The following SGCZ variants were observed in gnomAD, a reference collection of about 807,000 sequenced individuals.
SGCZ encodes sarcoglycan zeta.
A neutral mutation model predicts 41.3 loss-of-function variants in SGCZ; 40 were observed. The ratio of observed to expected loss-of-function variants is 0.97; its 90% CI spans 0.75 to 1.26. SGCZ has a LOEUF of 1.26. Among genes scored for constraint, SGCZ ranks in the 50% most tolerant of loss-of-function variants. The pLI, the probability that SGCZ is intolerant of heterozygous loss-of-function variation, is 0.00. For missense variants in SGCZ, 552 were observed against 369.8 expected (o/e 1.49, Z -4.04); for synonymous variants, 206 against 137.5 (o/e 1.50, Z -3.49).
chr8:14,791,628 G>A (rs1422459559), intron 1 of SGCZ, among the ~76,000 whole-genome samples: 1 of 152,100 alleles, frequency 6.6e-6, no homozygotes, highest in Non-Finnish European at 1.5e-5. Flanking sequence ...CAAGCGTACA[G>A]CTCAAGGCAA....
At chr8:15,043,879 A>C (rs1323664413) in intron 1 of SGCZ, among the ~76,000 whole-genome samples, 1 of 152,054 alleles carries the variant, frequency 6.6e-6, no homozygotes, top group Non-Finnish European at 1.5e-5. Context: ...CTTCAGTTGA[A>C]AACCAAACAT....
intron 2 of SGCZ, among the ~76,000 whole-genome samples, chr8:14,443,597 T>A (rs576806580): frequency 6.6e-6 from 1 of 152,192 alleles, no homozygotes; most frequent in East Asian, 1.9e-4. Context: ...CTGGGAAAAC[T>A]GGCTAGCCAT....
At chr8:14,208,672 A>T (rs1805697468) in intron 4 of SGCZ, among the ~76,000 whole-genome samples, 1 of 152,048 alleles carries the variant, frequency 6.6e-6, no homozygotes, top group Non-Finnish European at 1.5e-5. Context: ...AACTAGAAAC[A>T]CTTAATTATA....
intron 1 of SGCZ, among the ~76,000 whole-genome samples, chr8:15,117,631 T>C (rs1807322588): frequency 6.6e-6 from 1 of 152,160 alleles, no homozygotes. Context: ...ATGGTGGTTG[T>C]GAGGATCTTG....
intron 1 of SGCZ, among the ~76,000 whole-genome samples, chr8:15,223,404 C>G (rs1023118928): frequency 6.6e-6 from 1 of 152,158 alleles, no homozygotes; most frequent in Non-Finnish European, 1.5e-5. Flanking sequence ...CACACAAAGA[C>G]GACTCCTTGT....
intron 1 of SGCZ, among the ~76,000 whole-genome samples, chr8:15,027,483 T>C (rs1044159041): frequency 2.0e-5 from 3 of 152,116 alleles, no homozygotes; most frequent in Non-Finnish European, 4.4e-5. Flanking sequence ...ACAGGTTATA[T>C]TGAGCTGAAT....
intron 4 of SGCZ, among the ~76,000 whole-genome samples, chr8:14,235,442 C>G (rs549131490): frequency 1.2e-4 from 19 of 152,176 alleles, no homozygotes; most frequent in African/African-American, 3.9e-4. Flanking sequence ...ACATTTTTTT[C>G]TTTCTCCGTC....
chr8:14,420,162 T>C (rs1239378065), intron 2 of SGCZ, among the ~76,000 whole-genome samples: 1 of 152,078 alleles, frequency 6.6e-6, no homozygotes, highest in Non-Finnish European at 1.5e-5. Flanking sequence ...AATAATTCTA[T>C]CTGTTTTTTA....
intron 3 of SGCZ, among the ~76,000 whole-genome samples, chr8:14,253,659 C>G (rs1799364084): frequency 6.6e-6 from 1 of 152,006 alleles, no homozygotes; most frequent in Non-Finnish European, 1.5e-5. Flanking sequence ...TTTGCAGACT[C>G]TGTGTTCTGA....
chr8:15,052,102 G>C (rs115373246), intron 1 of SGCZ, among the ~76,000 whole-genome samples: 1,735 of 152,240 alleles, frequency 0.011, 27 homozygotes, highest in African/African-American at 0.04. Context: ...TTTGAGTTGG[G>C]TTCTTTATTC....
chr8:14,207,597 T>C (rs779917453), intron 4 of SGCZ, among the ~76,000 whole-genome samples: 8 of 152,210 alleles, frequency 5.3e-5, no homozygotes, highest in Non-Finnish European at 1.2e-4. Context: ...TATGTTAAGT[T>C]ATAATGAACA....
chr8:14,755,289 T>C (rs901754280), intron 1 of SGCZ, among the ~76,000 whole-genome samples: 2 of 152,178 alleles, frequency 1.3e-5, no homozygotes, highest in African/African-American at 4.8e-5. Context: ...TGTTGATCTC[T>C]ACTGAGTATT....
At chr8:14,211,358 C>A (rs1257867266) in intron 4 of SGCZ, among the ~76,000 whole-genome samples, 12 of 152,128 alleles carry the variant, frequency 7.9e-5, no homozygotes, top group Admixed American at 6.5e-5. Flanking sequence ...AGCACCCAGG[C>A]GCTACCAGTT....
chr8:14,977,900 C>T (rs1563406155), intron 1 of SGCZ, among the ~76,000 whole-genome samples: 1 of 150,012 alleles, frequency 6.7e-6, no homozygotes. Flanking sequence ...CACACACACA[C>T]ACACACACAC....
At chr8:14,940,530 G>T (rs1007306989) in intron 1 of SGCZ, among the ~76,000 whole-genome samples, 2 of 152,044 alleles carry the variant, frequency 1.3e-5, no homozygotes, top group African/African-American at 2.4e-5. Context: ...ATATAAATTT[G>T]CAATTCCAAG....
chr8:14,164,613 T>G lies in SGCZ; in HGVS notation c.514A>C (p.Ile172Leu). The change falls in exon 5 of 8, where the codon ATT becomes CTT. Residue 172 changes from isoleucine (I) to leucine (L), a missense_variant. Transcript: ENST00000382080. The part of the protein sequence containing the change: ...RVLFSADEDE[I>L]TIGAEKLKVT... ...TTCAGCTTTTCAGCCCCAATGGTAATCTCATCTTCATCTGCAGAAAACAGC... is the reference window on the plus strand; with the variant it reads ...TTCAGCTTTTCAGCCCCAATGGTAAGCTCATCTTCATCTGCAGAAAACAGC... 6.2e-7 allele frequency: 1 copy of G among 1,613,514 alleles called. No homozygotes were observed. Among genetic ancestry groups the G allele is most frequent in the South Asian group, 1.1e-5 (1 of 91,066 alleles).
intron 1 of SGCZ, among the ~76,000 whole-genome samples, chr8:15,075,563 A>G (rs535071802): frequency 1.3e-5 from 2 of 152,302 alleles, no homozygotes; most frequent in African/African-American, 2.4e-5. Context: ...GACTTTGAGT[A>G]ATGTGACCAA....
In SGCZ at chr8:14,786,849, AAAC is replaced by A. The variant is rs754253411; in HGVS notation, c.40-231926_40-231924del. ...GTTGGAAAGCAGGTTTAAAAAAAAAAAACAAAAAACACATAGATTAAGTAAGTC... is the reference window on the plus strand; with the variant it reads ...GTTGGAAAGCAGGTTTAAAAAAAAAAAAAAAACACATAGATTAAGTAAGTC... On this transcript the variant is annotated intron_variant, in intron 1 of 7. Transcript: ENST00000382080. Among the ~76,000 whole-genome samples, 612 of 117,712 alleles carry A rather than the reference AAAC, an allele frequency of 5.2e-3. 9 individuals are homozygous for A. The highest frequency in any genetic ancestry group is 4.4e-3 in the East Asian group (13 of 2,922). The allele number at this position is 117,712 out of a possible 152,430, so 77.2% of individuals were successfully genotyped here.
At chr8:14,191,261 A>T (rs1346695243) in intron 4 of SGCZ, among the ~76,000 whole-genome samples, 1 of 152,168 alleles carries the variant, frequency 6.6e-6, no homozygotes, top group Non-Finnish European at 1.5e-5. Flanking sequence ...CATAGTCCAA[A>T]TATATAATCC....
Sources: allele counts gnomAD v4.1 joint callset (sites outside exome capture counted in the v4.1 genomes callset), GRCh38; gene constraint gnomAD v4.1.1; transcripts MANE v1.5; gene names NCBI Gene and HGNC (gene_info 2026-07-23, HGNC 2026-07-21).